The following ALKBH3 variants were observed in gnomAD, a reference collection of about 807,000 sequenced individuals.
ALKBH3 encodes alkB homolog 3, alpha-ketoglutarate dependent dioxygenase.
In ALKBH3, 51 loss-of-function variants were observed where a neutral mutation model predicts 43.9. That is an observed-to-expected ratio of 1.16 (90% confidence interval 0.93 to 1.47). The LOEUF (loss-of-function observed/expected upper bound fraction) is 1.47, where lower values mean the gene tolerates loss of function less well. Among genes scored for constraint, ALKBH3 ranks in the 40% most tolerant of loss-of-function variants. The probability of loss-of-function intolerance (pLI) is 0.00; values close to 1 mark genes in which losing one functional copy is unlikely to be tolerated. For missense variants in ALKBH3, 361 were observed against 351.9 expected (o/e 1.03, Z -0.21); for synonymous variants, 102 against 115.2 (o/e 0.89, Z 0.73).
At chr11:43,910,634 T>C (rs1453306674) in intron 8 of ALKBH3, 1 of 152,260 alleles carries the variant, frequency 6.6e-6, no homozygotes, top group Non-Finnish European at 1.5e-5. Context: ...CGTAAGTTAT[T>C]TTCAGCTCTT....
intron 8 of ALKBH3, chr11:43,910,598 A>G (rs1951930757): frequency 6.6e-6 from 1 of 152,206 alleles, no homozygotes; most frequent in Admixed American, 6.5e-5. Context: ...ATGTTAACCT[A>G]ACCATTCTCT....
intron 8 of ALKBH3, among the ~76,000 whole-genome samples, chr11:43,917,489 T>C (rs1298903135): frequency 2.6e-5 from 4 of 152,194 alleles, no homozygotes; most frequent in Non-Finnish European, 5.9e-5. Context: ...ATGTAGAGGG[T>C]AGCAGAAATT....
intron 8 of ALKBH3, chr11:43,910,301 A>G (rs952763386): frequency 1.2e-4 from 18 of 152,204 alleles, no homozygotes; most frequent in African/African-American, 4.3e-4. Flanking sequence ...CTTATTTATC[A>G]TTACATTCTT....
chr11:43,883,978 T>A lies in ALKBH3; in HGVS notation c.184-5T>A. On this transcript the variant is annotated splice_region_variant and splice_polypyrimidine_tract_variant and intron_variant, in intron 3 of 9. Transcript: ENST00000302708. ...CAGAAGTAAGATCCGCCTATTTCCTTGCAGGTAGTACGTAGAGCTCCTGAG... is the reference window on the plus strand; with the variant it reads ...CAGAAGTAAGATCCGCCTATTTCCTAGCAGGTAGTACGTAGAGCTCCTGAG... The A allele has an allele frequency of 6.2e-7, 1 of 1,613,796 alleles. No individual in the cohort carries two copies. Among genetic ancestry groups the A allele is most frequent in the South Asian group, 1.1e-5 (1 of 91,054 alleles).
chr11:43,901,764 A>T, intron 8 of ALKBH3, 39 bp downstream of exon 8: 1 of 1,603,696 alleles, frequency 6.2e-7, no homozygotes, highest in Non-Finnish European at 8.5e-7. Context: ...CCTGCCTCTT[A>T]TTAGTCTGTG....
intron 1 of ALKBH3, among the ~76,000 whole-genome samples, chr11:43,881,811 G>T (rs1951713167): frequency 6.6e-6 from 1 of 152,226 alleles, no homozygotes; most frequent in Admixed American, 6.5e-5. Context: ...GAAGCATAAA[G>T]AAATAGATTA....
chr11:43,895,255 G>A (rs756674108), intron 7 of ALKBH3, among the ~76,000 whole-genome samples: 2 of 152,172 alleles, frequency 1.3e-5, no homozygotes, highest in African/African-American at 2.4e-5. Context: ...ACCTTGAATT[G>A]TAATAATCCC....
In ALKBH3 at chr11:43,892,135, T is replaced by A. The variant is rs751036010; in HGVS notation, c.459+6T>A. 1 of 1,594,392 alleles carries A rather than the reference T, an allele frequency of 6.3e-7. No homozygotes were observed. The highest frequency in any genetic ancestry group is 1.7e-5 in the Admixed American group (1 of 59,988). ...CTATGGAACCAAATCCTCACGTATG[T>A]CAACATATTGTCATTGGTATGGTTT... is the stretch of plus-strand genomic sequence containing the variant. On this transcript the variant is annotated splice_donor_region_variant and intron_variant, in intron 7 of 9. Transcript: ENST00000302708.
Position 43,918,434 on chromosome 11 carries a change from T to G in ALKBH3, c.670-604T>G, listed in dbSNP as rs117490823. On this transcript the variant is annotated intron_variant, in intron 8 of 9. Coordinates refer to ENST00000302708, the MANE Select transcript of ALKBH3 (RefSeq NM_139178.4). ...CTGTTTTGGTCAAGCCAGAGCTCCC[T>G]TTGAGAAAATCTTGCTGTTGTCTGT... Among the ~76,000 whole-genome samples the G allele has an allele frequency of 1.3e-3, 192 of 152,318 alleles. 4 individuals carry two copies. In the East Asian group the frequency reaches 0.015, roughly 12 times the overall value.
intron 7 of ALKBH3, chr11:43,899,684 C>G (rs930849770): frequency 8.2e-5 from 29 of 354,726 alleles, no homozygotes; most frequent in South Asian, 3.7e-4. Context: ...GAGCAAATAG[C>G]TCTCCAGATG....
Position 43,886,611 on chromosome 11 carries a change from AGGGTGTG to A in ALKBH3, c.225_231del (p.Glu75AspfsTer23), listed in dbSNP as rs1417326719. On this transcript the variant is annotated frameshift_variant, in exon 5 of 10. Transcript: ENST00000302708. LOFTEE classifies it high-confidence loss of function. ...TGTTTCCTTTGTTTCTTTAGCAGAG[AGGGTGTG>A]TATGAAATCAGCCTGTCACCCACAG... The A allele has an allele frequency of 6.2e-7, 1 of 1,614,040 alleles. No homozygotes were observed. Among genetic ancestry groups the A allele is most frequent in the African/African-American group, 1.3e-5 (1 of 74,936 alleles).
chr11:43,899,175 CT>C, intron 7 of ALKBH3: 1 of 778,292 alleles, frequency 1.3e-6, no homozygotes, highest in African/African-American at 1.7e-5. Context: ...GGCCCCACCT[CT>C]CCAGGTGGGA....
At chr11:43,890,469 T>C (rs1293040546) in intron 6 of ALKBH3, among the ~76,000 whole-genome samples, 1 of 152,132 alleles carries the variant, frequency 6.6e-6, no homozygotes, top group Non-Finnish European at 1.5e-5. Context: ...TGAATTTAAA[T>C]TTTCTGTAAA....
At chr11:43,908,229 A>G (rs1951910020) in intron 8 of ALKBH3, among the ~76,000 whole-genome samples, 1 of 152,220 alleles carries the variant, frequency 6.6e-6, no homozygotes, top group Non-Finnish European at 1.5e-5. Context: ...AAGCAGAGAG[A>G]ACCTTCAGAG....
Position 43,886,640 on chromosome 11 carries a change from A to T in ALKBH3, c.253A>T (p.Thr85Ser). 1 of 1,614,122 alleles carries T rather than the reference A, an allele frequency of 6.2e-7. No individual in the cohort carries two copies. The highest frequency in any genetic ancestry group is 1.7e-5 in the Admixed American group (1 of 60,034). Residue 85 changes from threonine (T) to serine (S), a missense_variant, in exon 5 of 10, where the codon ACA becomes TCA. Coordinates refer to ENST00000302708, the MANE Select transcript of ALKBH3 (RefSeq NM_139178.4). ...EGVYEISLSPTGVSRVCLYPG... is the reference protein window; with the variant it reads ...EGVYEISLSPSGVSRVCLYPG... ...TGTGTATGAAATCAGCCTGTCACCC[A>T]CAGGTGTATCTAGGTAAGCAAATCC...
chr11:43,882,714 A>C lies in ALKBH3; in HGVS notation c.62A>C (p.Gln21Pro). 4 of 1,613,080 alleles carry C rather than the reference A, an allele frequency of 2.5e-6. No homozygotes were observed. The highest frequency in any genetic ancestry group is 1.7e-6 in the Non-Finnish European group (2 of 1,179,666). Reference sequence around the variant, plus strand: ...GCCTGGGCTGCCCCTGTTAAAAGCCAGGCCATTGCTCAGCCAGGCAAGAAT... The same window carrying C: ...GCCTGGGCTGCCCCTGTTAAAAGCCCGGCCATTGCTCAGCCAGGCAAGAAT... ...QGAWAAPVKS[Q>P]AIAQPATTAK... The change falls in exon 2 of 10, where the codon CAG becomes CCG. Residue 21 changes from glutamine to proline, a missense_variant. By Grantham distance (76) the Gln-to-Pro change is moderately conservative. Coordinates refer to ENST00000302708, the MANE Select transcript of ALKBH3 (RefSeq NM_139178.4).
intron 8 of ALKBH3, among the ~76,000 whole-genome samples, chr11:43,903,988 A>G (rs114085711): frequency 2.6e-5 from 4 of 152,222 alleles, no homozygotes; most frequent in African/African-American, 7.2e-5. Flanking sequence ...CAGTTATGTT[A>G]TAGGGTAACA....
chr11:43,920,158 G>A lies in ALKBH3; in HGVS notation c.*148G>A. ...TTGCCAGCTTGGAGTCCTATTAAATGAAAGCCAGCAACTCATGTTGGTAAT... is the reference window on the plus strand; with the variant it reads ...TTGCCAGCTTGGAGTCCTATTAAATAAAAGCCAGCAACTCATGTTGGTAAT... On this transcript the variant is annotated 3_prime_UTR_variant, in exon 10 of 10. Transcript: ENST00000302708. 1.5e-6 allele frequency: 1 copy of A among 671,082 alleles called. No individual in the cohort carries two copies. The highest frequency in any genetic ancestry group is 2.5e-6 in the Non-Finnish European group (1 of 394,640). 41.6% of individuals were successfully genotyped at this position (671,082 alleles called of 1,614,324 possible). A position where few individuals can be genotyped will look rare whatever the true frequency, so the allele number is the denominator to read the frequency against.
intron 8 of ALKBH3, among the ~76,000 whole-genome samples, chr11:43,915,475 T>C (rs1951976227): frequency 6.6e-6 from 1 of 152,198 alleles, no homozygotes; most frequent in Admixed American, 6.5e-5. Flanking sequence ...CCTAGAAATA[T>C]ATGCAGAAAT....
Sources: gnomAD v4.1 joint callset for allele counts (sites outside exome capture counted in the v4.1 genomes callset) on GRCh38, gnomAD v4.1.1 for gene constraint, MANE v1.5 for transcripts, NCBI Gene and HGNC (gene_info 2026-07-23, HGNC 2026-07-21) for gene names.